The following HTR1E variants were observed in gnomAD, a reference collection of about 807,000 sequenced individuals.
HTR1E encodes 5-HT-1E.
HTR1E carries 3 observed loss-of-function variants against 3.4 expected under a neutral mutation model. That is an observed-to-expected ratio of 0.89 (90% CI 0.41 to 2.31). The LOEUF is 2.31. Among genes scored for constraint, HTR1E ranks in the 30% most tolerant of loss-of-function variants. The pLI is 0.05. For missense variants in HTR1E, 392 were observed against 467.0 expected (o/e 0.84, Z 1.48); for synonymous variants, 170 against 182.8 (o/e 0.93, Z 0.56).
chr6:86,991,748 C>T (rs1348761141), intron 1 of HTR1E, among the ~76,000 whole-genome samples: 1 of 152,148 alleles, frequency 6.6e-6, no homozygotes, highest in Non-Finnish European at 1.5e-5. Flanking sequence ...AAGGTAAAAG[C>T]TCAAACCAAC....
At chr6:86,946,297 A>G (rs1375197626) in intron 1 of HTR1E, among the ~76,000 whole-genome samples, 2 of 152,198 alleles carry the variant, frequency 1.3e-5, no homozygotes, top group Admixed American at 1.3e-4. Flanking sequence ...TTATCTTTAT[A>G]CCATATTTTC....
intron 1 of HTR1E, among the ~76,000 whole-genome samples, chr6:86,962,833 G>C (rs182188977): frequency 6.6e-6 from 1 of 151,940 alleles, no homozygotes; most frequent in Non-Finnish European, 1.5e-5. Flanking sequence ...GCGAGACCCT[G>C]TCTCCAAAAA....
At chr6:86,959,175 C>G (rs1419198579) in intron 1 of HTR1E, among the ~76,000 whole-genome samples, 1 of 152,010 alleles carries the variant, frequency 6.6e-6, no homozygotes. Flanking sequence ...CTCTTGAGGC[C>G]TTCAACTGAT....
chr6:86,998,015 T>C (rs1197793671), intron 1 of HTR1E, among the ~76,000 whole-genome samples: 1 of 150,980 alleles, frequency 6.6e-6, no homozygotes, highest in Non-Finnish European at 1.5e-5. Flanking sequence ...ATTTACATAA[T>C]GTTATAAGAA....
intron 1 of HTR1E, among the ~76,000 whole-genome samples, chr6:87,013,617 C>T (rs928442546): frequency 3.3e-5 from 5 of 151,976 alleles, no homozygotes; most frequent in Non-Finnish European, 5.9e-5. Context: ...TTTTCTTTAA[C>T]GGCCCCAGAA....
intron 1 of HTR1E, among the ~76,000 whole-genome samples, chr6:87,009,383 G>A (rs1458102921): frequency 2.0e-5 from 3 of 151,956 alleles, no homozygotes; most frequent in Non-Finnish European, 4.4e-5. Context: ...TGGGGGCAAG[G>A]TCACAGATCA....
intron 1 of HTR1E, among the ~76,000 whole-genome samples, chr6:87,009,055 ATT>A (rs200180275): frequency 9.2e-5 from 13 of 141,866 alleles, no homozygotes; most frequent in South Asian, 9.0e-4. Context: ...ACTTCTTTTT[ATT>A]TTTTTTTTTT....
At chr6:86,940,115 A>T (rs1271524363) in intron 1 of HTR1E, among the ~76,000 whole-genome samples, 2 of 152,106 alleles carry the variant, frequency 1.3e-5, no homozygotes, top group African/African-American at 4.8e-5. Context: ...TGGGGTTATT[A>T]TTGAAGAGGG....
At chr6:86,950,050 G>C (rs1342938565) in intron 1 of HTR1E, among the ~76,000 whole-genome samples, 1 of 152,184 alleles carries the variant, frequency 6.6e-6, no homozygotes, top group Non-Finnish European at 1.5e-5. Flanking sequence ...GCTGCATAGT[G>C]AAATTTTCCA....
chr6:87,016,185 C>T lies in HTR1E; in HGVS notation c.851C>T (p.Thr284Ile), dbSNP rs1768322705. Residue 284 changes from threonine to isoleucine, a missense_variant, in exon 2 of 2, where the codon ACC (threonine) becomes ATC (isoleucine). Physicochemically the swap from Thr to Ile is moderately conservative, Grantham distance 89 (BLOSUM62 -1). Transcript: ENST00000305344. ...GGAGAACGTCAGCAGATCTCTAGCACCAGGGAACGGAAGGCAGCACGCATC... is the reference window on the plus strand; with the variant it reads ...GGAGAACGTCAGCAGATCTCTAGCATCAGGGAACGGAAGGCAGCACGCATC... Reference protein sequence around the residue: ...HPGERQQISSTRERKAARILG... With the variant: ...HPGERQQISSIRERKAARILG... The T allele has an allele frequency of 1.9e-6, 3 of 1,614,158 alleles. No homozygotes were observed. The East Asian group carries it at 6.7e-5, about 36-fold the overall frequency.
chr6:86,979,896 C>G (rs1264283450), intron 1 of HTR1E, among the ~76,000 whole-genome samples: 1 of 152,076 alleles, frequency 6.6e-6, no homozygotes, highest in Non-Finnish European at 1.5e-5. Flanking sequence ...CTGACAGGAG[C>G]TATGATCATA....
intron 1 of HTR1E, among the ~76,000 whole-genome samples, chr6:86,949,188 C>T (rs758620230): frequency 6.6e-6 from 1 of 152,114 alleles, no homozygotes; most frequent in Non-Finnish European, 1.5e-5. Flanking sequence ...GACAGTGTAA[C>T]GAGGGAAGGT....
intron 1 of HTR1E, among the ~76,000 whole-genome samples, chr6:86,950,859 A>G (rs563325809): frequency 3.3e-5 from 5 of 152,342 alleles, no homozygotes; most frequent in Admixed American, 1.3e-4. Context: ...CCAAAAATCT[A>G]TAACAGGGGC....
Position 87,015,852 on chromosome 6 carries a change from GCAC to G in HTR1E, c.521_523del (p.Thr174del), listed in dbSNP as rs764521307. The G allele has an allele frequency of 2.5e-6, 4 of 1,612,420 alleles. No homozygotes were observed. Among genetic ancestry groups the G allele is most frequent in the Non-Finnish European group, 3.4e-6 (4 of 1,179,384 alleles). On this transcript the variant is annotated inframe_deletion, in exon 2 of 2. Transcript: ENST00000305344. ...CGCCTAAGCCCTCCCCCTAGTCAGT[GCAC>G]CATCCAGCACGACCATGTTATCTAC...
chr6:86,968,479 T>C lies in HTR1E; in HGVS notation c.-186+30656T>C, dbSNP rs574237902. Among the ~76,000 whole-genome samples the C allele has an allele frequency of 4.6e-5, 7 of 152,354 alleles. No individual in the cohort carries two copies. The South Asian group carries it at 1.4e-3, about 32-fold the overall frequency. On this transcript the variant is annotated intron_variant, in intron 1 of 1. Coordinates refer to ENST00000305344, the MANE Select transcript of HTR1E (RefSeq NM_000865.3). ...CCACACTGTCACCAACACAATGTGT[T>C]ATCAAAATTTGAGATATTTCATAAT...
intron 1 of HTR1E, among the ~76,000 whole-genome samples, chr6:86,956,832 C>CA (rs1767332806): frequency 6.6e-6 from 1 of 152,134 alleles, no homozygotes; most frequent in South Asian, 2.1e-4. Flanking sequence ...TTTTATGTTT[C>CA]ACTTTCTGTT....
At position 86,937,683 on chromosome 6, in the gene HTR1E, T is replaced by C. The variant is rs1011657702; in HGVS notation, c.-326T>C. ...CGGGGAGAACGCCCTGGGCTCAACG[T>C]ACTCCAGAATCGAATGTTGAGAGAA... On this transcript the variant is annotated 5_prime_UTR_variant, in exon 1 of 2. Coordinates refer to ENST00000305344, the MANE Select transcript of HTR1E (RefSeq NM_000865.3). The C allele has an allele frequency of 5.2e-5, 8 of 152,734 alleles. No individual in the cohort carries two copies. The highest frequency in any genetic ancestry group is 1.9e-4 in the African/African-American group (8 of 41,474). The allele number at this position is 152,734 out of a possible 1,614,324, so 9.5% of individuals were successfully genotyped here.
intron 1 of HTR1E, among the ~76,000 whole-genome samples, chr6:86,999,006 C>A (rs189321524): frequency 6.6e-6 from 1 of 152,266 alleles, no homozygotes; most frequent in East Asian, 1.9e-4. Flanking sequence ...GTCACCCAGG[C>A]GGGAGTGCAG....
chr6:86,993,454 C>T (rs763706742), intron 1 of HTR1E, among the ~76,000 whole-genome samples: 1 of 151,742 alleles, frequency 6.6e-6, no homozygotes, highest in Non-Finnish European at 1.5e-5. Context: ...AGAGGAAAAA[C>T]GATGTTTGCT....
Sources: gnomAD v4.1 joint callset for allele counts (sites outside exome capture counted in the v4.1 genomes callset) on GRCh38, gnomAD v4.1.1 for gene constraint, MANE v1.5 for transcripts, NCBI Gene and HGNC (gene_info 2026-07-23, HGNC 2026-07-21) for gene names.